Variants in VAPA observed in about 807,000 individuals in gnomAD.
The protein encoded by VAPA is VAMP associated protein A.
VAPA carries 6 observed loss-of-function variants against 25.6 expected under a neutral mutation model. That is an observed-to-expected ratio of 0.23 (90% CI 0.13 to 0.46). The LOEUF (loss-of-function observed/expected upper bound fraction) is 0.46, where lower values mean the gene tolerates loss of function less well. VAPA is among the 20% of genes least tolerant of loss of function. The pLI is 0.99. For missense variants in VAPA, 244 were observed against 302.1 expected (o/e 0.81, Z 1.43); for synonymous variants, 112 against 106.2 (o/e 1.05, Z -0.34).
chr18:9,926,335 C>T (rs1053481572), intron 1 of VAPA, among the ~76,000 whole-genome samples: 1 of 152,150 alleles, frequency 6.6e-6, no homozygotes. Context: ...TGAAGGTAGT[C>T]ATCACCTGCA....
At chr18:9,922,439 A>C (rs189032266) in intron 1 of VAPA, among the ~76,000 whole-genome samples, 1 of 152,286 alleles carries the variant, frequency 6.6e-6, no homozygotes, top group Non-Finnish European at 1.5e-5. Context: ...TATTTAGTCT[A>C]TTACAAAGAA....
chr18:9,958,264 GTTAAC>G lies in VAPA; in HGVS notation c.*4056_*4060del, dbSNP rs2069570971. ...AAAAGCATTTTGCTTTGTTTTTATA[GTTAAC>G]TTTCTTAAGGTTATGGACATTTTAT... On this transcript the variant is annotated 3_prime_UTR_variant, in exon 6 of 6. Coordinates refer to ENST00000400000, the MANE Select transcript of VAPA (RefSeq NM_194434.3). 6.6e-6 allele frequency: 1 copy of G among 152,116 alleles called. No homozygotes were observed. The highest frequency in any genetic ancestry group is 1.5e-5 in the Non-Finnish European group (1 of 68,014). The allele number at this position is 152,116 out of a possible 1,614,324, so 9.4% of individuals were successfully genotyped here. A position where few individuals can be genotyped will look rare whatever the true frequency, so the allele number is the denominator to read the frequency against.
At chr18:9,952,783 C>G (rs1362609116) in intron 5 of VAPA, among the ~76,000 whole-genome samples, 1 of 152,194 alleles carries the variant, frequency 6.6e-6, no homozygotes, top group East Asian at 1.9e-4. Flanking sequence ...TTGCCCCAGA[C>G]CTAATGAGTC....
chr18:9,921,649 A>C (rs549274642), intron 1 of VAPA, among the ~76,000 whole-genome samples: 5 of 152,316 alleles, frequency 3.3e-5, no homozygotes, highest in Non-Finnish European at 7.4e-5. Context: ...CCATTTAGTG[A>C]AATCTTATTT....
At chr18:9,934,257 TTG>T (rs139152370) in intron 2 of VAPA, among the ~76,000 whole-genome samples, 3,605 of 152,326 alleles carry the variant, frequency 0.024, 55 homozygotes, top group Middle Eastern at 0.071. Context: ...TTGCTTCAAT[TTG>T]TGCACATTTT....
chr18:9,955,517 C>G lies in VAPA; in HGVS notation c.*1306C>G, dbSNP rs993095831. On this transcript the variant is annotated 3_prime_UTR_variant, in exon 6 of 6. Coordinates refer to ENST00000400000, the MANE Select transcript of VAPA (RefSeq NM_194434.3). Reference sequence around the variant, plus strand: ...GATCCAGTGTTTAGCTACATACAATCTAGTACAAGTGAATTTTTATTCTTA... The same window carrying G: ...GATCCAGTGTTTAGCTACATACAATGTAGTACAAGTGAATTTTTATTCTTA... 1 of 152,138 alleles carries G rather than the reference C, an allele frequency of 6.6e-6. No individual in the cohort carries two copies. Among genetic ancestry groups the G allele is most frequent in the Non-Finnish European group, 1.5e-5 (1 of 68,004 alleles). The allele number at this position is 152,138 out of a possible 1,614,324, so 9.4% of individuals were successfully genotyped here. A position where few individuals can be genotyped will look rare whatever the true frequency, so the allele number is the denominator to read the frequency against.
chr18:9,950,295 GTT>G (rs1411593315), intron 4 of VAPA, 98 bp from the exon 5 acceptor site: 39 of 1,361,714 alleles, frequency 2.9e-5, no homozygotes, highest in Non-Finnish European at 3.7e-5. Context: ...CTTTTAAAGA[GTT>G]TTTCATGAAC....
chr18:9,943,431 C>G (rs142664560), intron 4 of VAPA, among the ~76,000 whole-genome samples: 1 of 152,174 alleles, frequency 6.6e-6, no homozygotes, highest in Admixed American at 6.5e-5. Flanking sequence ...CCCTAGTCCT[C>G]GGGATCAGCA....
At chr18:9,942,036 A>G (rs1599111753) in intron 4 of VAPA, among the ~76,000 whole-genome samples, 1 of 152,354 alleles carries the variant, frequency 6.6e-6, no homozygotes, top group South Asian at 2.1e-4. Context: ...AACTTAAGCA[A>G]AATCAGTTCA....
At chr18:9,922,160 C>G (rs2069162158) in intron 1 of VAPA, among the ~76,000 whole-genome samples, 1 of 151,978 alleles carries the variant, frequency 6.6e-6, no homozygotes, top group African/African-American at 2.4e-5. Context: ...TTTGTAGAGA[C>G]AGTCTTGCTA....
chr18:9,947,141 C>T (rs951650853), intron 4 of VAPA, among the ~76,000 whole-genome samples: 3 of 152,120 alleles, frequency 2.0e-5, no homozygotes, highest in African/African-American at 7.2e-5. Flanking sequence ...TCCTGAAGGA[C>T]CTGCTGGAGT....
intron 1 of VAPA, among the ~76,000 whole-genome samples, chr18:9,918,014 T>C (rs908687876): frequency 6.6e-6 from 1 of 152,096 alleles, no homozygotes; most frequent in Admixed American, 6.5e-5. Context: ...TTTTTTTTTT[T>C]CAGTAAGACA....
At chr18:9,953,996 TA>T in intron 5 of VAPA, 56 bp from the exon 6 acceptor site, 3 of 1,597,472 alleles carry the variant, frequency 1.9e-6, no homozygotes, top group Non-Finnish European at 2.6e-6. Context: ...TTAGCTCCAG[TA>T]GTCTCGTTAG....
intron 2 of VAPA, among the ~76,000 whole-genome samples, chr18:9,933,337 C>T (rs919793811): frequency 1.3e-5 from 2 of 152,064 alleles, no homozygotes; most frequent in African/African-American, 2.4e-5. Flanking sequence ...TAGCCAAAAA[C>T]CTCAAGAGCT....
chr18:9,952,725 T>G (rs1363310117), intron 5 of VAPA, among the ~76,000 whole-genome samples: 1 of 152,206 alleles, frequency 6.6e-6, no homozygotes, highest in East Asian at 1.9e-4. Flanking sequence ...TAATTCACAC[T>G]GCATGTGAAT....
intron 5 of VAPA, among the ~76,000 whole-genome samples, chr18:9,952,286 G>A (rs1040253517): frequency 2.0e-5 from 3 of 152,060 alleles, no homozygotes; most frequent in Non-Finnish European, 4.4e-5. Flanking sequence ...AAAAAAGCTG[G>A]GCTGGGCGGG....
intron 4 of VAPA, chr18:9,944,850 G>T (rs2069404554): frequency 6.5e-7 from 1 of 1,530,780 alleles, no homozygotes; most frequent in Non-Finnish European, 8.9e-7. Context: ...TTCTGTGTCA[G>T]TCATTCCCAA....
At chr18:9,940,430 T>C (rs2143386052) in intron 4 of VAPA, among the ~76,000 whole-genome samples, 1 of 152,274 alleles carries the variant, frequency 6.6e-6, no homozygotes, top group African/African-American at 2.4e-5. Context: ...AAAATTGATT[T>C]TTAATTTTAT....
intron 4 of VAPA, among the ~76,000 whole-genome samples, chr18:9,942,895 T>C (rs895771838): frequency 2.0e-5 from 3 of 152,124 alleles, no homozygotes; most frequent in African/African-American, 7.2e-5. Flanking sequence ...AGATTACAAT[T>C]TGACATGGGA....
Sources: allele counts gnomAD v4.1 joint callset (sites outside exome capture counted in the v4.1 genomes callset), GRCh38; gene constraint gnomAD v4.1.1; transcripts MANE v1.5; gene names NCBI Gene and HGNC (gene_info 2026-07-23, HGNC 2026-07-21).